The following PLAC1 variants were observed in gnomAD, a reference collection of about 807,000 sequenced individuals.
The protein encoded by PLAC1 is placenta-specific protein 1.
For synonymous variants in PLAC1, 68 were observed against 62.1 expected (o/e 1.09, Z -0.44); for missense variants, 136 against 163.2 (o/e 0.83, Z 0.91).
intron 2 of PLAC1, among the ~76,000 whole-genome samples, chrX:134,725,493 G>T (rs936750086): frequency 1.8e-5 from 2 of 111,815 alleles, no homozygotes; most frequent in Admixed American, 9.5e-5. Flanking sequence ...GATTCAGTAG[G>T]TCTAGAATGG....
intron 2 of PLAC1, among the ~76,000 whole-genome samples, chrX:134,678,342 T>G (rs2078482401): frequency 9.0e-6 from 1 of 111,563 alleles, no homozygotes; most frequent in African/African-American, 3.3e-5. Flanking sequence ...CCTTGCTTTT[T>G]CTCAAACATG....
chrX:134,711,353 A>C (rs2078627613), intron 2 of PLAC1, among the ~76,000 whole-genome samples: 2 of 112,516 alleles, frequency 1.8e-5, no homozygotes, highest in Non-Finnish European at 3.7e-5. Flanking sequence ...CTTAAGTGCA[A>C]ATAAATTCTT....
intron 1 of PLAC1, among the ~76,000 whole-genome samples, chrX:134,641,686 T>A (rs1430527235): frequency 8.9e-6 from 1 of 111,863 alleles, no homozygotes; most frequent in African/African-American, 3.3e-5. Flanking sequence ...GAGCCAGCCC[T>A]GATGCTGATG....
intron 1 of PLAC1, 64 bp downstream of exon 1, chrX:134,658,264 A>G (rs2078402103): frequency 1.8e-5 from 2 of 112,621 alleles, no homozygotes; most frequent in Admixed American, 1.9e-4. Flanking sequence ...AAGCTTTCAC[A>G]CAGGCCATGT....
chrX:134,624,380 T>C (rs143452103), intron 1 of PLAC1, among the ~76,000 whole-genome samples: 1,447 of 111,692 alleles, frequency 0.013, 22 homozygotes, highest in African/African-American at 0.045. Context: ...TCAGAATAGA[T>C]CCCACATCAA....
chrX:134,656,021 C>G (rs1405478855), intron 1 of PLAC1, among the ~76,000 whole-genome samples: 4 of 112,044 alleles, frequency 3.6e-5, no homozygotes, highest in Non-Finnish European at 7.5e-5. Context: ...TACCCTGGAT[C>G]AGGCCTTCAA....
intron 2 of PLAC1, among the ~76,000 whole-genome samples, chrX:134,669,187 G>A (rs945629004): frequency 1.2e-4 from 13 of 111,834 alleles, no homozygotes; most frequent in African/African-American, 3.3e-4. Context: ...AGTTTCATGT[G>A]GTTCAATTAA....
intron 1 of PLAC1, among the ~76,000 whole-genome samples, chrX:134,616,659 A>AAAC (rs1049244692): frequency 9.1e-6 from 1 of 110,420 alleles, no homozygotes; most frequent in African/African-American, 3.3e-5. Flanking sequence ...CAAAACAACA[A>AAAC]AAAAAAATTG....
At chrX:134,602,662 C>A (rs7892817) in intron 1 of PLAC1, among the ~76,000 whole-genome samples, 26,189 of 110,931 alleles carry the variant, frequency 0.24, 2,727 homozygotes, top group African/African-American at 0.39. Context: ...AAAGAATGAA[C>A]AACACATACA....
chrX:134,590,228 A>T (rs1222284373), intron 2 of PLAC1, among the ~76,000 whole-genome samples: 12 of 111,179 alleles, frequency 1.1e-4, no homozygotes, highest in African/African-American at 2.9e-4. Context: ...ATAAATAAAT[A>T]AATTAAAAAT....
intron 1 of PLAC1, among the ~76,000 whole-genome samples, chrX:134,636,746 T>C (rs2078285179): frequency 8.9e-6 from 1 of 112,145 alleles, no homozygotes; most frequent in Non-Finnish European, 1.9e-5. Flanking sequence ...GATATCACGC[T>C]CCCTTGTGCT....
chrX:134,644,540 A>G (rs1307187400), intron 1 of PLAC1, among the ~76,000 whole-genome samples: 1 of 110,304 alleles, frequency 9.1e-6, no homozygotes, highest in African/African-American at 3.3e-5. Flanking sequence ...CTATTAACCT[A>G]TCACCTAGGT....
intron 2 of PLAC1, among the ~76,000 whole-genome samples, chrX:134,671,416 G>A (rs1457953653): frequency 9.0e-6 from 1 of 111,181 alleles, no homozygotes; most frequent in African/African-American, 3.3e-5. Context: ...GTATTAGTCC[G>A]TTTTCACACT....
intron 2 of PLAC1, among the ~76,000 whole-genome samples, chrX:134,677,037 T>C (rs2078477702): frequency 8.9e-6 from 1 of 112,892 alleles, no homozygotes; most frequent in Admixed American, 9.3e-5. Flanking sequence ...TAAGTGTTTG[T>C]TACAAACTGA....
At chrX:134,716,632 G>C (rs891823866) in intron 2 of PLAC1, among the ~76,000 whole-genome samples, 1 of 112,377 alleles carries the variant, frequency 8.9e-6, no homozygotes, top group African/African-American at 3.2e-5. Flanking sequence ...TTCCCAGAGG[G>C]CCTTCTTCCA....
intron 1 of PLAC1, among the ~76,000 whole-genome samples, chrX:134,743,277 C>A (rs944821907): frequency 1.5e-4 from 17 of 112,281 alleles, no homozygotes; most frequent in Non-Finnish European, 2.8e-4. Context: ...TTTCCTAATT[C>A]AGTTTTGTCT....
intron 1 of PLAC1, among the ~76,000 whole-genome samples, chrX:134,635,722 T>C (rs73566643): frequency 0.14 from 16,095 of 111,221 alleles, 2,868 homozygotes; most frequent in African/African-American, 0.5. Flanking sequence ...ACCCCTCCTC[T>C]GAAATGCACT....
intron 2 of PLAC1, among the ~76,000 whole-genome samples, chrX:134,721,375 C>T (rs1368650432): frequency 9.3e-6 from 1 of 107,634 alleles, no homozygotes; most frequent in African/African-American, 3.4e-5. Flanking sequence ...GAGTTTGAGG[C>T]CAGCTTGGGC....
At chrX:134,646,298 T>C (rs778883527) in intron 1 of PLAC1, among the ~76,000 whole-genome samples, 1 of 112,046 alleles carries the variant, frequency 8.9e-6, no homozygotes, top group Non-Finnish European at 1.9e-5. Context: ...AATTTTACTT[T>C]ATTGTGAGAC....
Sources: gnomAD v4.1 joint callset for allele counts (sites outside exome capture counted in the v4.1 genomes callset) on GRCh38, gnomAD v4.1.1 for gene constraint, MANE v1.5 for transcripts, NCBI Gene and HGNC (gene_info 2026-07-23, HGNC 2026-07-21) for gene names.